SLC25A42: variants seen among roughly 807,000 people sequenced by gnomAD.
SLC25A42 encodes the protein mitochondrial coenzyme A transporter SLC25A42.
SLC25A42 carries 19 observed loss-of-function variants against 34.7 expected under a neutral mutation model. The ratio of observed to expected loss-of-function variants is 0.55; its 90% CI spans 0.38 to 0.80. SLC25A42 has a LOEUF of 0.80. SLC25A42 is among the 30% of genes least tolerant of loss of function. SLC25A42 has a pLI of 0.00. For synonymous variants in SLC25A42, 205 were observed against 191.2 expected (o/e 1.07, Z -0.59); for missense variants, 364 against 441.3 (o/e 0.82, Z 1.57).
chr19:19,106,424 G>T, intron 6 of SLC25A42, 39 bp downstream of exon 6: 1 of 1,531,840 alleles, frequency 6.5e-7, no homozygotes, highest in South Asian at 1.1e-5. Context: ...AGCCCCGGGG[G>T]CTCTGTGTCT....
intron 1 of SLC25A42, among the ~76,000 whole-genome samples, chr19:19,066,086 A>T (rs2059600538): frequency 6.6e-6 from 1 of 152,082 alleles, no homozygotes; most frequent in South Asian, 2.1e-4. Context: ...CGCACTCCTG[A>T]CCCCAAGTGA....
rs375317030 is a variant in SLC25A42 at position 19,096,086 on chromosome 19, C to A, written c.-34-5C>A. ...GTATCTTACCACCTCCCCTTACCCC[C>A]CCAGGACCGAGTCTCCTGCCATTCC... On this transcript the variant is annotated splice_region_variant and splice_polypyrimidine_tract_variant and intron_variant, in intron 1 of 7. Coordinates refer to ENST00000318596, the MANE Select transcript of SLC25A42 (RefSeq NM_178526.5). 1.4e-5 allele frequency: 22 copies of A among 1,582,856 alleles called. No individual in the cohort carries two copies. The highest frequency in any genetic ancestry group is 2.7e-5 in the African/African-American group (2 of 74,294).
rs11668620 is a variant in SLC25A42 at position 19,107,681 on chromosome 19, C to G, written c.498-213C>G. ...AGACAAGGGCTGAGCACTTGCTTCC[C>G]GTGGCGAAGGTGGAGTCTGGGCTTA... On this transcript the variant is annotated intron_variant, in intron 6 of 7. Coordinates refer to ENST00000318596, the MANE Select transcript of SLC25A42 (RefSeq NM_178526.5). Among the ~76,000 whole-genome samples, 27,901 of 152,138 alleles carry G rather than the reference C, an allele frequency of 0.18. 3,255 individuals carry two copies. The highest frequency in any genetic ancestry group is 0.27 in the East Asian group (1,382 of 5,160).
At chr19:19,097,311 G>A (rs934144515) in intron 2 of SLC25A42, among the ~76,000 whole-genome samples, 1 of 152,214 alleles carries the variant, frequency 6.6e-6, no homozygotes, top group African/African-American at 2.4e-5. Context: ...CAGCAGGCGG[G>A]CGGGAGGACT....
At chr19:19,097,479 A>G (rs1427891716) in intron 2 of SLC25A42, among the ~76,000 whole-genome samples, 1 of 152,206 alleles carries the variant, frequency 6.6e-6, no homozygotes, top group African/African-American at 2.4e-5. Context: ...CACCACGTGG[A>G]CAAGCTTGAG....
At position 19,112,329 on chromosome 19, in the gene SLC25A42, GCT is replaced by G. The variant is rs201268154; in HGVS notation, c.*1460_*1461del. On this transcript the variant is annotated 3_prime_UTR_variant, in exon 8 of 8. Coordinates refer to ENST00000318596, the MANE Select transcript of SLC25A42 (RefSeq NM_178526.5). This position sits in a 1 kb window ranked among gnomAD's most constrained non-coding sequence, Gnocchi z 4.3. ...CCTTGGACCTGCAGGTGTGCAGACCGCTCTCTCTGCCTTCCTTGCATGTGGCC... is the reference window on the plus strand; with the variant it reads ...CCTTGGACCTGCAGGTGTGCAGACCGCTCTCTGCCTTCCTTGCATGTGGCC... 0.013 allele frequency: 1,919 copies of G among 152,592 alleles called. 16 individuals carry two copies. The highest frequency in any genetic ancestry group is 0.041 in the Middle Eastern group (12 of 296). The allele number at this position is 152,592 out of a possible 1,614,324, so 9.5% of individuals were successfully genotyped here. A position where few individuals can be genotyped will look rare whatever the true frequency, so the allele number is the denominator to read the frequency against.
chr19:19,102,078 G>A (rs1296652473), intron 3 of SLC25A42, among the ~76,000 whole-genome samples, 192 bp downstream of exon 3: 3 of 150,456 alleles, frequency 2.0e-5, no homozygotes, highest in Non-Finnish European at 4.4e-5. Flanking sequence ...GTGCAATCTT[G>A]GCTCACCGCA....
At chr19:19,099,576 G>A (rs2059783704) in intron 2 of SLC25A42, among the ~76,000 whole-genome samples, 1 of 152,070 alleles carries the variant, frequency 6.6e-6, no homozygotes, top group Admixed American at 6.6e-5. Context: ...GCCACACACT[G>A]AGCTGAGCAA....
At position 19,096,162 on chromosome 19, in the gene SLC25A42, A is replaced by C. The variant is rs767022538; in HGVS notation, c.38A>C (p.His13Pro). The part of the protein sequence containing the change: ...NGVKEGPVRL[H>P]EDAEAVLSSS... ...GTGAAGGAAGGCCCGGTGCGATTGC[A>C]TGAGGATGCTGAGGCTGTCCTGTCC... The change falls in exon 2 of 8, where the codon CAT (histidine) becomes CCT (proline). Residue 13 changes from histidine (H) to proline (P), a missense_variant. Physicochemically the swap from His to Pro is moderately conservative, Grantham distance 77 (BLOSUM62 -2). Transcript: ENST00000318596. 3.1e-6 allele frequency: 5 copies of C among 1,613,254 alleles called. No individual in the cohort carries two copies. In the South Asian group the frequency reaches 5.5e-5, roughly 18 times the overall value.
chr19:19,105,691 AGC>A lies in SLC25A42; in HGVS notation c.347_348del (p.Arg116HisfsTer93). ...CAGTTCAGCGCACACGAGGAGTACA[AGC>A]GCATCCTGGGCAGCTACTATGGCTT... On this transcript the variant is annotated frameshift_variant, in exon 5 of 8. Transcript: ENST00000318596. LOFTEE classifies it high-confidence loss of function. The A allele has an allele frequency of 6.2e-7, 1 of 1,608,076 alleles. No homozygotes were observed. The highest frequency in any genetic ancestry group is 8.5e-7 in the Non-Finnish European group (1 of 1,176,568).
chr19:19,106,457 C>A, intron 6 of SLC25A42, 72 bp downstream of exon 6: 1 of 1,317,780 alleles, frequency 7.6e-7, no homozygotes, highest in East Asian at 2.4e-5. Flanking sequence ...GGTCGGAATC[C>A]CTCTCTCTAT....
intron 1 of SLC25A42, among the ~76,000 whole-genome samples, chr19:19,068,798 A>G (rs2059615078): frequency 6.6e-6 from 1 of 152,118 alleles, no homozygotes. Flanking sequence ...AGATGGCACC[A>G]CTGCACTCCA....
intron 6 of SLC25A42, among the ~76,000 whole-genome samples, chr19:19,107,650 A>G (rs1015331157): frequency 3.9e-5 from 6 of 152,148 alleles, no homozygotes; most frequent in Admixed American, 3.9e-4. Flanking sequence ...AAAGAAACAA[A>G]AAAAAAGACA....
chr19:19,102,996 G>A (rs1209344548), intron 3 of SLC25A42, among the ~76,000 whole-genome samples: 8 of 152,030 alleles, frequency 5.3e-5, no homozygotes, highest in Non-Finnish European at 2.9e-5. Flanking sequence ...GTTCTCCTTG[G>A]CTTGTGGCCG....
chr19:19,103,872 C>T (rs951738049), intron 3 of SLC25A42, among the ~76,000 whole-genome samples: 1 of 148,912 alleles, frequency 6.7e-6, no homozygotes, highest in Non-Finnish European at 1.5e-5. Flanking sequence ...GGCAGGCCTT[C>T]GAAAGGGACA....
At chr19:19,067,741 G>A (rs1402903792) in intron 1 of SLC25A42, among the ~76,000 whole-genome samples, 1 of 151,356 alleles carries the variant, frequency 6.6e-6, no homozygotes, top group African/African-American at 2.4e-5. Flanking sequence ...TTTCACTTGG[G>A]TCTAGGAAAA....
At chr19:19,075,344 T>C (rs1004563807) in intron 1 of SLC25A42, among the ~76,000 whole-genome samples, 2 of 152,170 alleles carry the variant, frequency 1.3e-5, no homozygotes, top group South Asian at 2.1e-4. Context: ...CATCCTCCCA[T>C]ACCCCGCCGA....
chr19:19,111,042 C>A lies in SLC25A42; in HGVS notation c.*166C>A. On this transcript the variant is annotated 3_prime_UTR_variant, in exon 8 of 8. Coordinates refer to ENST00000318596, the MANE Select transcript of SLC25A42 (RefSeq NM_178526.5). Reference sequence around the variant, plus strand: ...CCTGGGCTCAGAGTCCACGTCCAAACGCAAAGCTGGCAGCCCTGGAAGTGC... The same window carrying A: ...CCTGGGCTCAGAGTCCACGTCCAAAAGCAAAGCTGGCAGCCCTGGAAGTGC... 1.4e-6 allele frequency: 1 copy of A among 731,456 alleles called. No homozygotes were observed. Among genetic ancestry groups the A allele is most frequent in the Non-Finnish European group, 2.2e-6 (1 of 455,198 alleles). The allele number at this position is 731,456 out of a possible 1,614,324, so 45.3% of individuals were successfully genotyped here. A position where few individuals can be genotyped will look rare whatever the true frequency, so the allele number is the denominator to read the frequency against.
chr19:19,097,979 T>A (rs889119121), intron 2 of SLC25A42, among the ~76,000 whole-genome samples: 7 of 126,572 alleles, frequency 5.5e-5, no homozygotes, highest in Non-Finnish European at 8.6e-5. Flanking sequence ...AAAAAAAAAA[T>A]ACTGAGCTTC....
Sources: allele counts gnomAD v4.1 joint callset (sites outside exome capture counted in the v4.1 genomes callset), GRCh38; gene constraint gnomAD v4.1.1; non-coding constraint Gnocchi (gnomAD v3.1); transcripts MANE v1.5; gene names NCBI Gene and HGNC (gene_info 2026-07-23, HGNC 2026-07-21).